The following FUT8 variants were observed in gnomAD, a reference collection of about 807,000 sequenced individuals.
FUT8 encodes fucosyltransferase 8.
A neutral mutation model predicts 71.3 loss-of-function variants in FUT8; 29 were observed. The ratio of observed to expected loss-of-function variants is 0.41; its 90% confidence interval spans 0.30 to 0.55. The LOEUF (loss-of-function observed/expected upper bound fraction) is 0.55. Ranked by LOEUF, FUT8 falls within the 20% of genes least tolerant of loss-of-function variation. The pLI is 0.34. For missense variants in FUT8, 544 were observed against 702.1 expected (o/e 0.77, Z 2.55); for synonymous variants, 254 against 239.3 (o/e 1.06, Z -0.57).
intron 1 of FUT8, among the ~76,000 whole-genome samples, chr14:65,443,440 G>T (rs1203850899): frequency 1.3e-5 from 2 of 151,358 alleles, no homozygotes; most frequent in Non-Finnish European, 2.9e-5. Flanking sequence ...GAAAATCAAG[G>T]CTGGGTGCAG....
intron 2 of FUT8, among the ~76,000 whole-genome samples, chr14:65,540,301 A>G (rs764789334): frequency 5.9e-5 from 9 of 152,222 alleles, no homozygotes; most frequent in Non-Finnish European, 1.0e-4. Flanking sequence ...ACTAGAAGAA[A>G]AGACTATTTC....
At chr14:65,716,548 G>A (rs1406261003) in intron 7 of FUT8, among the ~76,000 whole-genome samples, 3 of 151,984 alleles carry the variant, frequency 2.0e-5, no homozygotes, top group Non-Finnish European at 2.9e-5. Context: ...ACGGTTGGGG[G>A]TAAGGTTATA....
intron 6 of FUT8, among the ~76,000 whole-genome samples, chr14:65,661,781 T>C (rs1481462440): frequency 6.6e-6 from 1 of 152,246 alleles, no homozygotes; most frequent in East Asian, 1.9e-4. Context: ...AGAACGCCTA[T>C]GGTTTACTAG....
chr14:65,719,669 G>T (rs975164978), intron 7 of FUT8, among the ~76,000 whole-genome samples: 1 of 152,186 alleles, frequency 6.6e-6, no homozygotes, highest in Non-Finnish European at 1.5e-5. Context: ...ACATTAGGGG[G>T]CACCCCAAGC....
intron 2 of FUT8, among the ~76,000 whole-genome samples, chr14:65,506,052 TG>T (rs2066728747): frequency 6.6e-6 from 1 of 152,228 alleles, no homozygotes; most frequent in African/African-American, 2.4e-5. Flanking sequence ...ACCACAGATG[TG>T]GAAGTAATAA....
Position 65,413,703 on chromosome 14 carries a change from C to T in FUT8, c.-326+489C>T, listed in dbSNP as rs1328060532. ...CGGGCTAGAAAGCAGGGAGTGGACCCTCACAAAGATCCGCGAGGGACTGAT... is the reference window on the plus strand; with the variant it reads ...CGGGCTAGAAAGCAGGGAGTGGACCTTCACAAAGATCCGCGAGGGACTGAT... On this transcript the variant is annotated intron_variant, in intron 1 of 10. Transcript: ENST00000673929. This position sits in a 1 kb window ranked among gnomAD's most constrained non-coding sequence, Gnocchi z 4.1. Among the ~76,000 whole-genome samples, 1 of 152,220 alleles carries T rather than the reference C, an allele frequency of 6.6e-6. No homozygotes were observed. The highest frequency in any genetic ancestry group is 1.5e-5 in the Non-Finnish European group (1 of 68,046).
chr14:65,553,122 A>G (rs1372564195), intron 2 of FUT8, among the ~76,000 whole-genome samples: 1 of 152,106 alleles, frequency 6.6e-6, no homozygotes, highest in Non-Finnish European at 1.5e-5. Flanking sequence ...GTTTTAATTT[A>G]TTTATAGAGA....
At position 65,550,233 on chromosome 14, in the gene FUT8, A is replaced by G. The variant is rs150193376; in HGVS notation, c.-227-11104A>G. Among the ~76,000 whole-genome samples, 33 of 152,190 alleles carry G rather than the reference A, an allele frequency of 2.2e-4. No homozygotes were observed. The highest frequency in any genetic ancestry group is 3.8e-4 in the Non-Finnish European group (26 of 68,014). On this transcript the variant is annotated intron_variant, in intron 2 of 10. Transcript: ENST00000673929. This position sits in a 1 kb window ranked among gnomAD's most constrained non-coding sequence, Gnocchi z 4.5. ...CATGGTGAGAAGGGGTGCAAGAGAG[A>G]GAAGGGAGGAGATACCAGGCTCTTT...
chr14:65,674,985 T>C (rs1195099166), intron 7 of FUT8, among the ~76,000 whole-genome samples: 2 of 152,242 alleles, frequency 1.3e-5, no homozygotes, highest in Non-Finnish European at 2.9e-5. Flanking sequence ...ATAAAACTTT[T>C]TTGTTTTACT....
Position 65,467,682 on chromosome 14 carries a change from G to C in FUT8, c.-228+11964G>C. 2.9e-6 allele frequency: 1 copy of C among 344,048 alleles called. No individual in the cohort carries two copies. Among genetic ancestry groups the C allele is most frequent in the South Asian group, 3.3e-5 (1 of 30,002 alleles). 21.3% of individuals were successfully genotyped at this position (344,048 alleles called of 1,614,324 possible). A position where few individuals can be genotyped will look rare whatever the true frequency, so the allele number is the denominator to read the frequency against. The stretch of plus-strand genomic sequence containing the variant: ...TAGTAGAGAGGGTTTCACTATGTTG[G>C]CCAGGCTGGTCTCGAACTCCTGACC... On this transcript the variant is annotated intron_variant, in intron 2 of 10. Coordinates refer to ENST00000673929, the MANE Select transcript of FUT8 (RefSeq NM_001371533.1). The surrounding 1 kb of genome is among the most constrained non-coding windows in gnomAD (Gnocchi z 4.1).
At chr14:65,633,589 G>A (rs571505708) in intron 6 of FUT8, among the ~76,000 whole-genome samples, 42 of 151,162 alleles carry the variant, frequency 2.8e-4, no homozygotes, top group African/African-American at 8.0e-4. Flanking sequence ...GTCTCTGCCC[G>A]GCCGCCCATC....
the FUT8 span, among the ~76,000 whole-genome samples, chr14:65,398,738 A>C: frequency 6.6e-6 from 1 of 151,954 alleles, no homozygotes; most frequent in South Asian, 2.1e-4. Context: ...CAAAAAAAAA[A>C]AACAAAGAAA....
intron 7 of FUT8, among the ~76,000 whole-genome samples, chr14:65,719,222 C>T (rs1290076016): frequency 6.6e-6 from 1 of 151,984 alleles, no homozygotes; most frequent in East Asian, 1.9e-4. Flanking sequence ...CCAATTCTTT[C>T]TTCTGCTTGA....
At chr14:65,693,633 A>G (rs1476034740) in intron 7 of FUT8, among the ~76,000 whole-genome samples, 1 of 152,224 alleles carries the variant, frequency 6.6e-6, no homozygotes, top group African/African-American at 2.4e-5. Context: ...TACATTAATG[A>G]GAGCTATTAG....
the FUT8 span, among the ~76,000 whole-genome samples, chr14:65,373,265 C>G: frequency 6.6e-6 from 1 of 151,526 alleles, no homozygotes; most frequent in African/African-American, 2.4e-5. Context: ...TAAATGACAA[C>G]AGGCATTCCT....
intron 6 of FUT8, among the ~76,000 whole-genome samples, chr14:65,633,250 A>T (rs965117058): frequency 6.6e-6 from 1 of 151,922 alleles, no homozygotes; most frequent in Non-Finnish European, 1.5e-5. Context: ...CCAGCTCCTA[A>T]CCGCGAGTGA....
intron 6 of FUT8, among the ~76,000 whole-genome samples, chr14:65,636,322 T>TTTG (rs1555378367): frequency 1.1e-4 from 17 of 151,708 alleles, no homozygotes; most frequent in African/African-American, 3.4e-4. Context: ...TGTATTTTTT[T>TTTG]TTTGTTTGTT....
intron 7 of FUT8, among the ~76,000 whole-genome samples, chr14:65,675,835 C>A (rs954960495): frequency 9.7e-5 from 14 of 144,826 alleles, no homozygotes; most frequent in Non-Finnish European, 7.5e-5. Flanking sequence ...ACTAAAAATA[C>A]AAAAAAAAAA....
intron 2 of FUT8, among the ~76,000 whole-genome samples, chr14:65,499,124 A>G (rs1319883998): frequency 1.3e-5 from 2 of 152,224 alleles, no homozygotes; most frequent in Non-Finnish European, 2.9e-5. Context: ...TATGTTGCCC[A>G]GGCTGGCCTG....
Sources: allele counts gnomAD v4.1 joint callset (sites outside exome capture counted in the v4.1 genomes callset), GRCh38; gene constraint gnomAD v4.1.1; non-coding constraint Gnocchi (gnomAD v3.1); transcripts MANE v1.5; gene names NCBI Gene and HGNC (gene_info 2026-07-23, HGNC 2026-07-21).